Variants in LY96 observed in about 807,000 individuals in gnomAD.
LY96 encodes the protein lymphocyte antigen 96, also known as myeloid differentiation protein-2.
In LY96, 18 loss-of-function variants were observed where a neutral mutation model predicts 18.9. That is an observed-to-expected ratio of 0.95 (90% CI 0.66 to 1.41). The LOEUF (loss-of-function observed/expected upper bound fraction) is 1.41. Among genes scored for constraint, LY96 ranks in the 40% most tolerant of loss-of-function variants. The pLI is 0.00. For missense variants in LY96, 175 were observed against 182.4 expected, an observed-to-expected ratio of 0.96 and a Z score of 0.23; for synonymous variants, 66 against 62.6, an observed-to-expected ratio of 1.06 and a Z score of -0.26.
the LY96 span, among the ~76,000 whole-genome samples, chr8:74,083,056 G>A: frequency 3.6e-4 from 54 of 152,008 alleles, no homozygotes; most frequent in South Asian, 1.7e-3. Flanking sequence ...CATTTTCCCC[G>A]TCCCCCTGCT....
chr8:74,043,918 C>T, the LY96 span, among the ~76,000 whole-genome samples: 2 of 152,298 alleles, frequency 1.3e-5, no homozygotes, highest in Middle Eastern at 3.4e-3. Flanking sequence ...ACTGCAGCCT[C>T]GACCTCACAG....
intron 4 of LY96, among the ~76,000 whole-genome samples, 192 bp downstream of exon 4, chr8:74,027,033 C>T (rs576970842): frequency 6.6e-6 from 1 of 151,486 alleles, no homozygotes. Context: ...CGCCAACCCC[C>T]ACCCCAAGCA....
the LY96 span, among the ~76,000 whole-genome samples, chr8:74,043,075 G>T: frequency 6.6e-6 from 1 of 152,056 alleles, no homozygotes; most frequent in Non-Finnish European, 1.5e-5. Context: ...ATACCTGGCC[G>T]GTTTGTTACC....
At chr8:74,086,969 T>C in the LY96 span, among the ~76,000 whole-genome samples, 33 of 152,356 alleles carry the variant, frequency 2.2e-4, no homozygotes, top group African/African-American at 7.9e-4. Flanking sequence ...ACATTGGGGC[T>C]TTTTGTTGCA....
the LY96 span, among the ~76,000 whole-genome samples, chr8:74,065,621 A>G: frequency 6.6e-6 from 1 of 152,156 alleles, no homozygotes; most frequent in Non-Finnish European, 1.5e-5. Flanking sequence ...TATAAACTTG[A>G]CCTGGCTCTG....
the LY96 span, among the ~76,000 whole-genome samples, chr8:74,060,683 G>C: frequency 4.6e-5 from 7 of 152,322 alleles, no homozygotes; most frequent in South Asian, 1.5e-3. Context: ...CAAATCTAGA[G>C]GGTGGATGTT....
the LY96 span, among the ~76,000 whole-genome samples, chr8:74,098,712 T>C: frequency 1.3e-5 from 2 of 152,228 alleles, no homozygotes; most frequent in Non-Finnish European, 2.9e-5. Context: ...TACTAAGAAC[T>C]TGCAGAATTC....
chr8:74,004,156 T>C (rs1315873165), intron 1 of LY96, among the ~76,000 whole-genome samples: 1 of 152,216 alleles, frequency 6.6e-6, no homozygotes, highest in East Asian at 1.9e-4. Context: ...GGATTAACTC[T>C]TTCCCTCCCC....
the LY96 span, among the ~76,000 whole-genome samples, chr8:74,093,837 G>A: frequency 6.6e-6 from 1 of 152,076 alleles, no homozygotes; most frequent in Non-Finnish European, 1.5e-5. Context: ...ATTTAAGATA[G>A]CATATTATTT....
At chr8:74,080,630 C>T in the LY96 span, among the ~76,000 whole-genome samples, 1 of 152,226 alleles carries the variant, frequency 6.6e-6, no homozygotes, top group African/African-American at 2.4e-5. Flanking sequence ...TCCTCCCACA[C>T]TGTTACTGAT....
chr8:74,079,632 T>C, the LY96 span: 108 of 152,248 alleles, frequency 7.1e-4, no homozygotes, highest in African/African-American at 2.5e-3. Flanking sequence ...TTGTGAAGTG[T>C]TTAATTTAAA....
At chr8:74,072,812 C>T in the LY96 span, among the ~76,000 whole-genome samples, 58 of 152,136 alleles carry the variant, frequency 3.8e-4, no homozygotes, top group African/African-American at 1.3e-3. Context: ...GAGCCACGCT[C>T]GGCACAGCTC....
chr8:74,043,715 T>C, the LY96 span, among the ~76,000 whole-genome samples: 3 of 152,214 alleles, frequency 2.0e-5, no homozygotes, highest in African/African-American at 7.2e-5. Flanking sequence ...AAAAAATTAA[T>C]GATATAAATT....
At chr8:74,036,152 A>G in the LY96 span, among the ~76,000 whole-genome samples, 39 of 152,234 alleles carry the variant, frequency 2.6e-4, no homozygotes, top group African/African-American at 8.9e-4. Context: ...AATTTAAGTT[A>G]TAGTTTAACT....
At chr8:74,088,143 TAGAATAGAAA>T in the LY96 span, among the ~76,000 whole-genome samples, 11 of 139,174 alleles carry the variant, frequency 7.9e-5, no homozygotes, top group African/African-American at 1.9e-4. Context: ...TAGAATAGAA[TAGAATAGAAA>T]AGAATAGAAA....
the LY96 span, among the ~76,000 whole-genome samples, chr8:74,044,478 T>C: frequency 1.3e-5 from 2 of 152,172 alleles, no homozygotes; most frequent in Non-Finnish European, 2.9e-5. Context: ...TGTGAGCCAC[T>C]GTACCCATCC....
At chr8:74,054,628 CTTTCTT>C in the LY96 span, among the ~76,000 whole-genome samples, 5 of 102,294 alleles carry the variant, frequency 4.9e-5, no homozygotes, top group Non-Finnish European at 9.1e-5. Context: ...TTCTTTCTTT[CTTTCTT>C]TCTTTCTTTC....
chr8:74,038,067 T>A, the LY96 span, among the ~76,000 whole-genome samples: 1 of 152,296 alleles, frequency 6.6e-6, no homozygotes, highest in Non-Finnish European at 1.5e-5. Flanking sequence ...CATGAGAAAA[T>A]TTTTTTAAAT....
chr8:74,054,621 T>C, the LY96 span, among the ~76,000 whole-genome samples: 1,515 of 53,334 alleles, frequency 0.028, 10 homozygotes, highest in African/African-American at 0.073. Context: ...CTTTTCCTTC[T>C]TTCTTTCTTT....
Sources: gnomAD v4.1 joint callset for allele counts (sites outside exome capture counted in the v4.1 genomes callset) on GRCh38, gnomAD v4.1.1 for gene constraint, MANE v1.5 for transcripts, NCBI Gene and HGNC (gene_info 2026-07-23, HGNC 2026-07-21) for gene names.